RPSA2: variants seen among roughly 807,000 people sequenced by gnomAD.
RPSA2 encodes small ribosomal subunit protein uS2B.
the RPSA2 span, among the ~76,000 whole-genome samples, chr19:23,824,637 G>T: frequency 2.0e-5 from 2 of 102,138 alleles, no homozygotes; most frequent in Non-Finnish European, 3.6e-5. Context: ...TTAGTCTCTA[G>T]TGTTCTGACA....
the RPSA2 span, among the ~76,000 whole-genome samples, chr19:23,762,375 A>G: frequency 1.5e-4 from 23 of 151,880 alleles, no homozygotes; most frequent in African/African-American, 4.1e-4. Context: ...TATGAAAATG[A>G]TTAAAAAATG....
At chr19:23,765,952 A>G in the RPSA2 span, among the ~76,000 whole-genome samples, 1 of 132,188 alleles carries the variant, frequency 7.6e-6, no homozygotes, top group Non-Finnish European at 1.6e-5. Context: ...AAATTAATTT[A>G]TTCTGGAGAA....
At chr19:23,827,886 A>G in the RPSA2 span, 4 of 958,270 alleles carry the variant, frequency 4.2e-6, no homozygotes, top group Admixed American at 3.9e-5. Context: ...ACTGCTACTC[A>G]GCCTGAGGTT....
chr19:23,869,753 C>A, the RPSA2 span, among the ~76,000 whole-genome samples: 1 of 152,136 alleles, frequency 6.6e-6, no homozygotes, highest in Non-Finnish European at 1.5e-5. Flanking sequence ...ATTCAAGAAA[C>A]AATATGGAAA....
At chr19:23,771,553 T>G in the RPSA2 span, among the ~76,000 whole-genome samples, 1 of 152,230 alleles carries the variant, frequency 6.6e-6, no homozygotes, top group African/African-American at 2.4e-5. Context: ...ACTGAGTGAT[T>G]TGACTCTCCT....
the RPSA2 span, among the ~76,000 whole-genome samples, chr19:23,771,702 A>T: frequency 6.6e-6 from 1 of 152,138 alleles, no homozygotes; most frequent in Non-Finnish European, 1.5e-5. Context: ...AGGTGATGTG[A>T]CTTTTCTCTA....
the RPSA2 span, chr19:23,833,218 C>A: frequency 3.5e-6 from 4 of 1,153,946 alleles, no homozygotes; most frequent in Non-Finnish European, 2.1e-6. Context: ...TTGAAAGCAA[C>A]CCTACAAATG....
the RPSA2 span, among the ~76,000 whole-genome samples, chr19:23,855,190 T>C: frequency 9.9e-5 from 15 of 152,154 alleles, no homozygotes; most frequent in South Asian, 2.9e-3. Flanking sequence ...TATCAGAGCC[T>C]GTGAACTGAG....
chr19:23,820,849 A>G, the RPSA2 span, among the ~76,000 whole-genome samples: 27 of 152,246 alleles, frequency 1.8e-4, no homozygotes, highest in Non-Finnish European at 3.5e-4. Flanking sequence ...TCCACCACCA[A>G]GTGCAATGTT....
the RPSA2 span, among the ~76,000 whole-genome samples, chr19:23,864,453 A>G: frequency 6.6e-6 from 1 of 152,228 alleles, no homozygotes; most frequent in African/African-American, 2.4e-5. Flanking sequence ...CCCAAAGCAT[A>G]GAAAATGTAA....
the RPSA2 span, among the ~76,000 whole-genome samples, chr19:23,806,204 T>C: frequency 2.0e-5 from 3 of 151,886 alleles, no homozygotes; most frequent in East Asian, 3.9e-4. Flanking sequence ...ATCATCACAC[T>C]CAGCTAATTT....
At chr19:23,855,312 C>A in the RPSA2 span, among the ~76,000 whole-genome samples, 3 of 152,106 alleles carry the variant, frequency 2.0e-5, no homozygotes, top group Admixed American at 6.6e-5. Context: ...ACAGTTTTTG[C>A]CAAAATGTCC....
the RPSA2 span, among the ~76,000 whole-genome samples, chr19:23,861,642 C>A: frequency 6.6e-6 from 1 of 152,060 alleles, no homozygotes; most frequent in Non-Finnish European, 1.5e-5. Context: ...CAAACAAATC[C>A]CCGTCAGTCA....
At chr19:23,761,923 T>C in the RPSA2 span, among the ~76,000 whole-genome samples, 35,902 of 61,532 alleles carry the variant, frequency 0.58, 12,455 homozygotes, top group Non-Finnish European at 0.69. Context: ...TTTCTTTCTT[T>C]TTTTTTTTTT....
chr19:23,788,282 A>G, the RPSA2 span, among the ~76,000 whole-genome samples: 1 of 152,134 alleles, frequency 6.6e-6, no homozygotes, highest in Non-Finnish European at 1.5e-5. Flanking sequence ...GAGCCCTATG[A>G]AAAGATAGCA....
At chr19:23,856,882 A>T in the RPSA2 span, among the ~76,000 whole-genome samples, 1 of 152,162 alleles carries the variant, frequency 6.6e-6, no homozygotes, top group African/African-American at 2.4e-5. Flanking sequence ...CAATATCAGA[A>T]ACTCCTGATA....
the RPSA2 span, among the ~76,000 whole-genome samples, chr19:23,779,306 C>T: frequency 6.6e-6 from 1 of 152,256 alleles, no homozygotes; most frequent in Admixed American, 6.5e-5. Flanking sequence ...GGCCATGACA[C>T]ATTTTTTGAC....
the RPSA2 span, among the ~76,000 whole-genome samples, chr19:23,865,160 G>A: frequency 8.5e-5 from 13 of 152,316 alleles, no homozygotes; most frequent in East Asian, 2.5e-3. Flanking sequence ...GGACAAATAT[G>A]CTGGCAGTGG....
At chr19:23,869,036 A>G in the RPSA2 span, among the ~76,000 whole-genome samples, 2 of 152,192 alleles carry the variant, frequency 1.3e-5, no homozygotes, top group Admixed American at 6.5e-5. Flanking sequence ...CATGTTAGCT[A>G]TAATGCCCTG....
Sources: allele counts gnomAD v4.1 joint callset (sites outside exome capture counted in the v4.1 genomes callset), GRCh38; gene constraint gnomAD v4.1.1; transcripts MANE v1.5; gene names NCBI Gene and HGNC (gene_info 2026-07-23, HGNC 2026-07-21).